Variants in TREM1 observed in about 807,000 individuals in gnomAD.
TREM1 encodes triggering receptor expressed on myeloid cells 1, also known as triggering receptor expressed on monocytes 1.
In TREM1, 16 loss-of-function variants were observed where a neutral mutation model predicts 22.4. The ratio of observed to expected loss-of-function variants is 0.71; its 90% confidence interval spans 0.48 to 1.08. The LOEUF (loss-of-function observed/expected upper bound fraction) is 1.08. Ranked by LOEUF, TREM1 falls within the 50% of genes least tolerant of loss-of-function variation. The probability of loss-of-function intolerance (pLI) is 0.00; values close to 1 mark genes in which losing one functional copy is unlikely to be tolerated. For synonymous variants in TREM1, 110 were observed against 111.6 expected, an observed-to-expected ratio of 0.99 and a Z score of 0.09; for missense variants, 283 against 282.9, an observed-to-expected ratio of 1.00 and a Z score of 0.00.
chr6:41,280,055 C>A (rs1330370564), intron 3 of TREM1: 5 of 969,034 alleles, frequency 5.2e-6, no homozygotes, highest in African/African-American at 1.8e-5. Context: ...ATTTAGGTAG[C>A]AGCATCAAAG....
chr6:41,282,745 C>A lies in TREM1; in HGVS notation c.56G>T (p.Arg19Leu). The change falls in exon 2 of 4, where the codon CGA (arginine) becomes CTA (leucine). Residue 19 changes from arginine to leucine, a missense_variant. Physicochemically the swap from Arg to Leu is moderately radical, Grantham distance 102 (BLOSUM62 -2). Transcript: ENST00000244709. ...LLWMLFVSEL[R>L]AATKLTEEKY... Reference sequence around the variant, plus strand: ...TTCCTCAGTTAATTTAGTTGCAGCTCGGAGTTCTATAAGCAGGGAAAGAGA... The same window carrying A: ...TTCCTCAGTTAATTTAGTTGCAGCTAGGAGTTCTATAAGCAGGGAAAGAGA... The A allele has an allele frequency of 1.2e-6, 2 of 1,611,806 alleles. No individual in the cohort carries two copies. The highest frequency in any genetic ancestry group is 1.7e-6 in the Non-Finnish European group (2 of 1,178,748).
intron 2 of TREM1, chr6:41,281,613 T>G: frequency 6.0e-6 from 1 of 168,054 alleles, no homozygotes; most frequent in South Asian, 1.4e-4. Context: ...TAATATATTG[T>G]GTGTGCACCT....
chr6:41,272,282 C>T (rs1767502784), downstream of TREM1, among the ~76,000 whole-genome samples: 1 of 152,124 alleles, frequency 6.6e-6, no homozygotes. Flanking sequence ...GACCCACCCA[C>T]CTGATGTCCC....
rs202123418 is a variant in TREM1, at chr6:41,282,746, G to A, written c.55C>T (p.Arg19Ter). ...LLWMLFVSEL[R>*]AATKLTEEKY... ...TCCTCAGTTAATTTAGTTGCAGCTC[G>A]GAGTTCTATAAGCAGGGAAAGAGAA... Residue 19 changes from arginine (R) to a stop codon, truncating the protein, a stop_gained, in exon 2 of 4, where the codon CGA becomes TGA. Transcript: ENST00000244709. LOFTEE classifies it high-confidence loss of function. The A allele has an allele frequency of 1.4e-5, 22 of 1,611,584 alleles. No individual in the cohort carries two copies. Among genetic ancestry groups the A allele is most frequent in the Admixed American group, 3.3e-5 (2 of 59,854 alleles).
At chr6:41,279,232 G>A (rs1324540766) in intron 3 of TREM1, among the ~76,000 whole-genome samples, 1 of 152,210 alleles carries the variant, frequency 6.6e-6, no homozygotes. Context: ...GGGTAACTGG[G>A]AGGAACTTCA....
chr6:41,267,617 G>A (rs1767365620), downstream of TREM1, among the ~76,000 whole-genome samples: 1 of 152,162 alleles, frequency 6.6e-6, no homozygotes. Flanking sequence ...ATTAAGCTAG[G>A]AGTGGTAGTT....
chr6:41,268,174 T>C (rs1269833067), intron 3 of TREM1: 2 of 397,778 alleles, frequency 5.0e-6, no homozygotes, highest in East Asian at 7.1e-5. Context: ...TCCTTTATGG[T>C]CCCTCTGCAA....
At position 41,281,137 on chromosome 6, in the gene TREM1, AG is replaced by A. The variant is rs1410096948; in HGVS notation, c.422del (p.Pro141LeufsTer32). On this transcript the variant is annotated frameshift_variant, in exon 3 of 4. Transcript: ENST00000244709. LOFTEE classifies it high-confidence loss of function. The part of the protein sequence containing the change: ...LVVTKGFSGT[P>X]GSNENSTQNV... ...TCTGGGTAGAATTCTCATTGGAGCC[AG>A]GGGTCCCTGAAAAACCTGCAAGAAG... 2 of 1,613,760 alleles carry A rather than the reference AG, an allele frequency of 1.2e-6. No homozygotes were observed. The highest frequency in any genetic ancestry group is 3.3e-5 in the Admixed American group (2 of 60,008).
chr6:41,274,052 G>A lies in TREM1; in HGVS notation c.*2073C>T, dbSNP rs771163618. Among the ~76,000 whole-genome samples the A allele has an allele frequency of 2.6e-5, 4 of 152,306 alleles. No individual in the cohort carries two copies. Among genetic ancestry groups the A allele is most frequent in the East Asian group, 1.9e-4 (1 of 5,186 alleles). On this transcript the variant is annotated 3_prime_UTR_variant, in exon 4 of 4. Transcript: ENST00000244709. ...TATCCAGCACGGCCATTTGTCTTCC[G>A]ATTTAGTGCATATAATATTTCAGTC... is the stretch of plus-strand genomic sequence containing the variant.
At chr6:41,278,537 G>T (rs1469050277) in intron 3 of TREM1, among the ~76,000 whole-genome samples, 1 of 151,860 alleles carries the variant, frequency 6.6e-6, no homozygotes, top group Non-Finnish European at 1.5e-5. Flanking sequence ...AGCTGTCCTG[G>T]TGGTATGCAC....
At chr6:41,276,784 A>T (rs1464443384) in intron 3 of TREM1, among the ~76,000 whole-genome samples, 1 of 152,106 alleles carries the variant, frequency 6.6e-6, no homozygotes, top group Non-Finnish European at 1.5e-5. Flanking sequence ...GAGCACAAGG[A>T]TGTGGCATGG....
intron 1 of TREM1, among the ~76,000 whole-genome samples, chr6:41,283,713 AAAAAAAAC>A (rs1380286459): frequency 2.2e-5 from 3 of 136,964 alleles, no homozygotes; most frequent in Admixed American, 1.4e-4. Flanking sequence ...CTCTGTTAAA[AAAAAAAAC>A]ACACACACAC....
At chr6:41,281,180 G>T (rs1473754157) in intron 2 of TREM1, 27 bp from the exon 3 acceptor site, 4 of 1,605,442 alleles carry the variant, frequency 2.5e-6, no homozygotes, top group Non-Finnish European at 3.4e-6. Flanking sequence ...TGGATGGATG[G>T]ATGGACAGAT....
intron 3 of TREM1, among the ~76,000 whole-genome samples, chr6:41,278,099 AT>A (rs139121778): frequency 6.7e-6 from 1 of 149,830 alleles, no homozygotes; most frequent in Admixed American, 6.6e-5. Context: ...TTTTTTTATT[AT>A]TTTTTTGTAA....
intron 2 of TREM1, 55 bp from the exon 3 acceptor site, chr6:41,281,208 A>C: frequency 6.3e-7 from 1 of 1,578,412 alleles, no homozygotes; most frequent in Non-Finnish European, 8.6e-7. Context: ...GAATGGGTGG[A>C]TGGGTGGGTG....
downstream of TREM1, among the ~76,000 whole-genome samples, chr6:41,273,364 T>A (rs1216102981): frequency 6.6e-6 from 1 of 151,982 alleles, no homozygotes; most frequent in Admixed American, 6.6e-5. Context: ...ATAGCCAGAG[T>A]TGGATTCTGT....
intron 2 of TREM1, chr6:41,281,386 G>A (rs959788906): frequency 3.0e-5 from 15 of 503,682 alleles, no homozygotes; most frequent in African/African-American, 3.9e-5. Context: ...ATCGAAAAAA[G>A]GAAAGAAGAA....
intron 1 of TREM1, among the ~76,000 whole-genome samples, chr6:41,283,709 TAAAA>T (rs545773140): frequency 1.3e-5 from 2 of 148,830 alleles, no homozygotes; most frequent in South Asian, 2.1e-4. Flanking sequence ...AAGACTCTGT[TAAAA>T]AAAAAAACAC....
chr6:41,284,454 T>G (rs140226263), intron 1 of TREM1, among the ~76,000 whole-genome samples: 48 of 152,284 alleles, frequency 3.2e-4, no homozygotes, highest in Non-Finnish European at 4.9e-4. Context: ...GGAGCCTTGC[T>G]GATGGGAGGC....
Sources: allele counts gnomAD v4.1 joint callset (sites outside exome capture counted in the v4.1 genomes callset), GRCh38; gene constraint gnomAD v4.1.1; transcripts MANE v1.5; gene names NCBI Gene and HGNC (gene_info 2026-07-23, HGNC 2026-07-21).